The following RORA variants were observed in gnomAD, a reference collection of about 807,000 sequenced individuals.
The protein encoded by RORA is RAR related orphan receptor A.
RORA carries 7 observed loss-of-function variants against 69.5 expected under a neutral mutation model. That is an observed-to-expected ratio of 0.10 (90% CI 0.06 to 0.19). The LOEUF is 0.19. Ranked by LOEUF, RORA falls within the 10% of genes least tolerant of loss-of-function variation. The pLI is 1.00. For missense variants in RORA, 457 were observed against 663.0 expected (o/e 0.69, Z 3.41); for synonymous variants, 261 against 240.8 (o/e 1.08, Z -0.78).
At chr15:60,503,757 C>G in intron 6 of RORA, 90 bp from the exon 7 acceptor site, 1 of 1,490,772 alleles carries the variant, frequency 6.7e-7, no homozygotes, top group East Asian at 2.3e-5. Flanking sequence ...AAGCATGCCA[C>G]TGCTTTAGCC....
chr15:60,977,115 G>GAA (rs5813057), intron 1 of RORA, among the ~76,000 whole-genome samples: 38,533 of 135,632 alleles, frequency 0.28, 5,547 homozygotes, highest in East Asian at 0.56. Flanking sequence ...TGATTGGAGG[G>GAA]AAAAAAAAAA....
intron 1 of RORA, among the ~76,000 whole-genome samples, chr15:61,218,175 T>TGTG: frequency 6.7e-6 from 1 of 148,296 alleles, no homozygotes; most frequent in Non-Finnish European, 1.5e-5. Context: ...CATGAAATGT[T>TGTG]TGTGTGTGTG....
intron 1 of RORA, among the ~76,000 whole-genome samples, chr15:61,170,242 G>A (rs555940498): frequency 6.6e-6 from 1 of 152,286 alleles, no homozygotes; most frequent in South Asian, 2.1e-4. Flanking sequence ...CAAGGAGTTG[G>A]CAGGCTTGTA....
chr15:61,036,489 C>T (rs962458538), intron 1 of RORA, among the ~76,000 whole-genome samples: 2 of 152,114 alleles, frequency 1.3e-5, no homozygotes, highest in Non-Finnish European at 2.9e-5. Context: ...GTGGGCGTCC[C>T]GTGCAGCACG....
chr15:61,164,245 T>C (rs549003784), intron 1 of RORA, among the ~76,000 whole-genome samples: 32 of 152,342 alleles, frequency 2.1e-4, no homozygotes, highest in Admixed American at 9.2e-4. Context: ...AGAGATATTT[T>C]CCACATTTGC....
rs1353146402 is a variant in RORA, at chr15:61,192,110, C to T, written c.166+36943G>A. ...CAGCACATGTCACCCTTAACCAACACGGTGCTATTTAAGTAAGTGCCAACC... is the reference window on the plus strand; with the variant it reads ...CAGCACATGTCACCCTTAACCAACATGGTGCTATTTAAGTAAGTGCCAACC... On this transcript the variant is annotated intron_variant, in intron 1 of 10. Coordinates refer to ENST00000335670, the MANE Select transcript of RORA (RefSeq NM_134261.3). 4.6e-5 allele frequency among the ~76,000 whole-genome samples: 7 copies of T among 152,214 alleles called. No homozygotes were observed. The South Asian group carries it at 6.2e-4, about 13-fold the overall frequency.
At chr15:60,854,011 C>A (rs2073354615) in intron 1 of RORA, among the ~76,000 whole-genome samples, 1 of 152,120 alleles carries the variant, frequency 6.6e-6, no homozygotes, top group Admixed American at 6.6e-5. Context: ...CTCCTGTAAT[C>A]CCAGAACTTT....
intron 1 of RORA, among the ~76,000 whole-genome samples, chr15:60,944,618 A>T (rs7175050): frequency 2.0e-5 from 3 of 150,682 alleles, no homozygotes; most frequent in African/African-American, 7.4e-5. Context: ...TCAGCTACTT[A>T]GGAGGCTGAG....
At chr15:60,655,276 T>G (rs1441054167) in intron 2 of RORA, among the ~76,000 whole-genome samples, 1 of 152,080 alleles carries the variant, frequency 6.6e-6, no homozygotes, top group Admixed American at 6.6e-5. Context: ...AAAGAAACAT[T>G]CCTTTAAGGC....
chr15:60,721,347 C>G (rs2071291141), intron 1 of RORA, among the ~76,000 whole-genome samples: 1 of 152,174 alleles, frequency 6.6e-6, no homozygotes, highest in African/African-American at 2.4e-5. Context: ...ATAAATTTGC[C>G]TAGTGTATGT....
chr15:60,881,422 T>C (rs1424227362), intron 1 of RORA, among the ~76,000 whole-genome samples: 2 of 152,232 alleles, frequency 1.3e-5, no homozygotes, highest in African/African-American at 4.8e-5. Flanking sequence ...TCAACTGTCC[T>C]GAAGTCTCTA....
At chr15:60,605,737 G>A (rs2068930613) in intron 2 of RORA, among the ~76,000 whole-genome samples, 1 of 152,152 alleles carries the variant, frequency 6.6e-6, no homozygotes, top group Non-Finnish European at 1.5e-5. Flanking sequence ...TAAAACCACA[G>A]AGTAAATAAT....
At chr15:61,176,784 G>A (rs2079632779) in intron 1 of RORA, among the ~76,000 whole-genome samples, 1 of 152,158 alleles carries the variant, frequency 6.6e-6, no homozygotes, top group Non-Finnish European at 1.5e-5. Flanking sequence ...ATGATGTCAG[G>A]AACACAGTAG....
At chr15:60,793,046 A>C (rs1465546616) in intron 1 of RORA, among the ~76,000 whole-genome samples, 3 of 152,076 alleles carry the variant, frequency 2.0e-5, no homozygotes, top group African/African-American at 7.2e-5. Context: ...GAGAGAAAAA[A>C]AAAAAGAGAA....
chr15:61,215,308 T>C (rs933275750), intron 1 of RORA, among the ~76,000 whole-genome samples: 3 of 152,158 alleles, frequency 2.0e-5, no homozygotes, highest in Non-Finnish European at 4.4e-5. Flanking sequence ...CCTCTATCTT[T>C]CTGCTGTGGA....
intron 1 of RORA, among the ~76,000 whole-genome samples, chr15:61,049,603 T>C (rs908562395): frequency 1.3e-5 from 2 of 152,162 alleles, no homozygotes; most frequent in African/African-American, 4.8e-5. Context: ...TATTCCACAC[T>C]TACGGAAGTG....
At chr15:60,893,554 T>C (rs1246997031) in intron 1 of RORA, among the ~76,000 whole-genome samples, 1 of 152,222 alleles carries the variant, frequency 6.6e-6, no homozygotes, top group Non-Finnish European at 1.5e-5. Context: ...TGCAGTTGAA[T>C]TTCCAAGTGG....
At chr15:60,502,563 T>C (rs1279560997) in intron 8 of RORA, among the ~76,000 whole-genome samples, 197 bp downstream of exon 8, 1 of 152,216 alleles carries the variant, frequency 6.6e-6, no homozygotes, top group African/African-American at 2.4e-5. Flanking sequence ...TCTACATCTT[T>C]ACAAGTAATG....
intron 1 of RORA, among the ~76,000 whole-genome samples, chr15:61,100,647 G>A (rs2078866106): frequency 6.6e-6 from 1 of 152,084 alleles, no homozygotes; most frequent in Non-Finnish European, 1.5e-5. Context: ...TTGGCATGGG[G>A]CTGCACTCCC....
Sources: gnomAD v4.1 joint callset for allele counts (sites outside exome capture counted in the v4.1 genomes callset) on GRCh38, gnomAD v4.1.1 for gene constraint, MANE v1.5 for transcripts, NCBI Gene and HGNC (gene_info 2026-07-23, HGNC 2026-07-21) for gene names.